RTBDN: variants seen among roughly 807,000 people sequenced by gnomAD.
The protein encoded by RTBDN is retbindin.
RTBDN carries 24 observed loss-of-function variants against 21.9 expected under a neutral mutation model. The ratio of observed to expected loss-of-function variants is 1.10; its 90% CI spans 0.79 to 1.54. The LOEUF is 1.54. Ranked by LOEUF, RTBDN falls within the 40% of genes most tolerant of loss-of-function variation. RTBDN has a pLI of 0.00. For missense variants in RTBDN, 325 were observed against 315.2 expected, an observed-to-expected ratio of 1.03 and a Z score of -0.23; for synonymous variants, 141 against 125.9, an observed-to-expected ratio of 1.12 and a Z score of -0.80.
chr19:12,826,201 T>G, intron 5 of RTBDN: 1 of 1,327,604 alleles, frequency 7.5e-7, no homozygotes. Flanking sequence ...TTGTAGAGAG[T>G]GACTGGGCTT....
intron 1 of RTBDN, chr19:12,833,130 G>A (rs1196138631): frequency 6.6e-6 from 1 of 152,244 alleles, no homozygotes; most frequent in Non-Finnish European, 1.5e-5. Context: ...GGGGCTGCAG[G>A]GTTCCCTGAG....
rs775522501 is a variant in RTBDN at position 12,829,885 on chromosome 19, C to G, written c.95G>C (p.Arg32Pro). ...WILLEACGGS[R>P]PLQARSQQHH... ...TTGCTGGGACCTGGCTTGGAGTGGG[C>G]GGCTCCCTCCACAGGCTTCTAGCAG... The change falls in exon 2 of 6, where the codon CGC (arginine) becomes CCC (proline). Residue 32 changes from arginine to proline, a missense_variant. Coordinates refer to ENST00000674343, the MANE Select transcript of RTBDN (RefSeq NM_001270441.2). 1.2e-6 allele frequency: 2 copies of G among 1,614,118 alleles called. No individual in the cohort carries two copies. Among genetic ancestry groups the G allele is most frequent in the South Asian group, 2.2e-5 (2 of 91,078 alleles).
intron 4 of RTBDN, among the ~76,000 whole-genome samples, chr19:12,828,045 A>G (rs1204644993): frequency 6.7e-6 from 1 of 149,020 alleles, no homozygotes; most frequent in Non-Finnish European, 1.5e-5. Flanking sequence ...GTGAGCTGAG[A>G]TCGTGTCACT....
At chr19:12,831,369 C>T (rs1004536975) in intron 1 of RTBDN, among the ~76,000 whole-genome samples, 1 of 152,146 alleles carries the variant, frequency 6.6e-6, no homozygotes, top group African/African-American at 2.4e-5. Flanking sequence ...TTATTGAGCA[C>T]CTACTGTGTG....
chr19:12,828,562 C>A, intron 4 of RTBDN, 95 bp downstream of exon 4: 1 of 885,988 alleles, frequency 1.1e-6, no homozygotes, highest in Non-Finnish European at 1.7e-6. Flanking sequence ...TGTTGGAGGC[C>A]ACTCCCCTTT....
rs1479096051 is a variant in RTBDN at position 12,830,993 on chromosome 19, ATG to A, written c.-18-998_-18-997del. Among the ~76,000 whole-genome samples the A allele has an allele frequency of 1.8e-5, 2 of 110,758 alleles. No individual in the cohort carries two copies. The highest frequency in any genetic ancestry group is 7.3e-5 in the African/African-American group (2 of 27,464). The allele number at this position is 110,758 out of a possible 152,430, so 72.7% of individuals were successfully genotyped here. ...GTTTTTGTTGTATGAGGTTATGTTT[ATG>A]TGTGTTTCTTGGTGGAGTGGTTGTG... On this transcript the variant is annotated intron_variant, in intron 1 of 5. Transcript: ENST00000674343. This position sits in a 1 kb window ranked among gnomAD's most constrained non-coding sequence, Gnocchi z 4.2.
At chr19:12,826,074 A>C in intron 5 of RTBDN, 141 bp from the exon 6 acceptor site, 1 of 1,407,172 alleles carries the variant, frequency 7.1e-7, no homozygotes, top group East Asian at 2.7e-5. Context: ...TATGTGCGGA[A>C]CGTGAGTGGG....
chr19:12,828,070 G>A (rs1278794399), intron 4 of RTBDN, among the ~76,000 whole-genome samples: 1 of 145,152 alleles, frequency 6.9e-6, no homozygotes, highest in Non-Finnish European at 1.5e-5. Flanking sequence ...TCCAGCCTGG[G>A]CGACAAGAGC....
upstream of RTBDN, chr19:12,834,586 C>G: frequency 6.6e-7 from 1 of 1,516,386 alleles, no homozygotes. The surrounding 1 kb of genome is among the most constrained non-coding windows in gnomAD (Gnocchi z 4.7). Context: ...CAACATCCGC[C>G]CCCCCACCGC....
chr19:12,825,806 C>A lies in RTBDN; in HGVS notation c.590G>T (p.Arg197Leu), dbSNP rs1331715858. The A allele has an allele frequency of 1.2e-6, 2 of 1,612,116 alleles. No individual in the cohort carries two copies. The highest frequency in any genetic ancestry group is 3.3e-5 in the Admixed American group (2 of 59,898). The change falls in exon 6 of 6, where the codon CGG becomes CTG. Residue 197 changes from arginine (R) to leucine (L), a missense_variant. Arg to Leu is a moderately radical substitution (Grantham distance 102). Coordinates refer to ENST00000674343, the MANE Select transcript of RTBDN (RefSeq NM_001270441.2). ...SAVPRPRPGR[R>L]GREAPSRRSR... ...ACGCCGGGAGGGAGCTTCCCGGCCC[C>A]GTCGTCCTGGTCTGGGACGAGGTAC... is the stretch of plus-strand genomic sequence containing the variant.
chr19:12,828,838 G>A (rs139077102), intron 3 of RTBDN, 31 bp downstream of exon 3: 10 of 1,614,042 alleles, frequency 6.2e-6, no homozygotes, highest in African/African-American at 2.7e-5. Flanking sequence ...GGCAAAGTAC[G>A]CGAGAAAACG....
chr19:12,827,028 T>TTTCA, intron 4 of RTBDN, 157 bp from the exon 5 acceptor site: 1 of 626,000 alleles, frequency 1.6e-6, no homozygotes, highest in Non-Finnish European at 2.9e-6. Flanking sequence ...TCTCTCCAGA[T>TTTCA]TTCACCCTGC....
rs569460218 is a variant in RTBDN at position 12,828,164 on chromosome 19, G to A, written c.365+493C>T. On this transcript the variant is annotated intron_variant, in intron 4 of 5. Transcript: ENST00000674343. Reference sequence around the variant, plus strand: ...TGTAATCCCAGCACTTTGGGAGGCCGAGGCGGGCGGATCACGAGGTCAGGA... The same window carrying A: ...TGTAATCCCAGCACTTTGGGAGGCCAAGGCGGGCGGATCACGAGGTCAGGA... Among the ~76,000 whole-genome samples, 7 of 151,382 alleles carry A rather than the reference G, an allele frequency of 4.6e-5. No homozygotes were observed. In the South Asian group the frequency reaches 1.0e-3, roughly 23 times the overall value.
intron 4 of RTBDN, among the ~76,000 whole-genome samples, chr19:12,827,093 C>T (rs1326251651): frequency 6.6e-6 from 1 of 152,148 alleles, no homozygotes; most frequent in African/African-American, 2.4e-5. Context: ...CTGGCCTTGT[C>T]CCTACAGACC....
Position 12,825,813 on chromosome 19 carries a change from C to T in RTBDN, c.583G>A (p.Gly195Arg). 5 of 1,612,868 alleles carry T rather than the reference C, an allele frequency of 3.1e-6. No individual in the cohort carries two copies. In the South Asian group the frequency reaches 5.5e-5, roughly 18 times the overall value. The change falls in exon 6 of 6, where the codon GGA becomes AGA. Residue 195 changes from glycine to arginine, a missense_variant. Gly to Arg is a moderately radical substitution (Grantham distance 125, BLOSUM62 -2). Coordinates refer to ENST00000674343, the MANE Select transcript of RTBDN (RefSeq NM_001270441.2). ...SISAVPRPRP[G>R]RRGREAPSRR... ...GAGGGAGCTTCCCGGCCCCGTCGTC[C>T]TGGTCTGGGACGAGGTACCGCGGAG... is the stretch of plus-strand genomic sequence containing the variant.
In RTBDN at chr19:12,826,689, C is replaced by T. The variant is rs779282069; in HGVS notation, c.462+86G>A. The T allele has an allele frequency of 5.4e-5, 54 of 1,005,460 alleles. 1 individual carries two copies. The highest frequency in any genetic ancestry group is 4.8e-4 in the South Asian group (33 of 69,172). 62.3% of individuals were successfully genotyped at this position (1,005,460 alleles called of 1,614,324 possible). On this transcript the variant is annotated intron_variant, in intron 5 of 5. Transcript: ENST00000674343. Reference sequence around the variant, plus strand: ...AGCCTGGGTGACAAGAATGAAACTCCGTCTCAGAAATAAATAAATAAATAA... The same window carrying T: ...AGCCTGGGTGACAAGAATGAAACTCTGTCTCAGAAATAAATAAATAAATAA...
rs1468514092 is a variant in RTBDN, at chr19:12,830,421, C to G, written c.-18-424G>C. The G allele has an allele frequency of 1.0e-6, 1 of 989,366 alleles. No individual in the cohort carries two copies. The highest frequency in any genetic ancestry group is 1.1e-4 in the East Asian group (1 of 8,948). The allele number at this position is 989,366 out of a possible 1,614,324, so 61.3% of individuals were successfully genotyped here. A position where few individuals can be genotyped will look rare whatever the true frequency, so the allele number is the denominator to read the frequency against. On this transcript the variant is annotated intron_variant, in intron 1 of 5. Transcript: ENST00000674343. This position sits in a 1 kb window ranked among gnomAD's most constrained non-coding sequence, Gnocchi z 4.2. ...CCTCCCTCTCTCGCTCCCTGCCGGC[C>G]CTTCTCTGGGTCACCTTCTCTCGGC... is the stretch of plus-strand genomic sequence containing the variant.
In RTBDN at chr19:12,826,883, G is replaced by A. The variant is rs1203350283; in HGVS notation, c.366-12C>T. ...CGCAGTTGGCGAACCTGGAGATGGC[G>A]AGTGGAGAGGTGGGTAAAGCCTTTG... On this transcript the variant is annotated splice_polypyrimidine_tract_variant and intron_variant, in intron 4 of 5. Coordinates refer to ENST00000674343, the MANE Select transcript of RTBDN (RefSeq NM_001270441.2). The A allele has an allele frequency of 2.6e-6, 4 of 1,536,112 alleles. No homozygotes were observed. Among genetic ancestry groups the A allele is most frequent in the South Asian group, 2.4e-5 (2 of 83,764 alleles).
intron 5 of RTBDN, 137 bp downstream of exon 5, chr19:12,826,638 G>T: frequency 1.4e-6 from 1 of 737,434 alleles, no homozygotes; most frequent in Non-Finnish European, 2.2e-6. Flanking sequence ...AGGTTGCATC[G>T]AGCTGAGATC....
Sources: allele counts gnomAD v4.1 joint callset (sites outside exome capture counted in the v4.1 genomes callset), GRCh38; gene constraint gnomAD v4.1.1; non-coding constraint Gnocchi (gnomAD v3.1); transcripts MANE v1.5; gene names NCBI Gene and HGNC (gene_info 2026-07-23, HGNC 2026-07-21).